BTBD9: variants seen among roughly 807,000 people sequenced by gnomAD.
BTBD9 encodes BTB/POZ domain-containing protein 9.
A neutral mutation model predicts 64.3 loss-of-function variants in BTBD9; 49 were observed. The ratio of observed to expected loss-of-function variants is 0.76; its 90% CI spans 0.61 to 0.97. The LOEUF (loss-of-function observed/expected upper bound fraction) is 0.97, where lower values mean the gene tolerates loss of function less well. Ranked by LOEUF, BTBD9 falls within the 50% of genes least tolerant of loss-of-function variation. The pLI is 0.00. For missense variants in BTBD9, 598 were observed against 762.1 expected (o/e 0.78, Z 2.53); for synonymous variants, 260 against 274.7 (o/e 0.95, Z 0.53).
intron 6 of BTBD9, among the ~76,000 whole-genome samples, chr6:38,389,268 A>C (rs1022409481): frequency 6.6e-6 from 1 of 152,228 alleles, no homozygotes; most frequent in Non-Finnish European, 1.5e-5. Context: ...CTGTCAGAGA[A>C]ATATGCTCAG....
chr6:38,600,844 C>T (rs1269141383), intron 1 of BTBD9, among the ~76,000 whole-genome samples: 1 of 152,156 alleles, frequency 6.6e-6, no homozygotes, highest in Admixed American at 6.5e-5. Flanking sequence ...CAGATCTCTA[C>T]TTCTCAATAC....
chr6:38,312,839 T>A (rs1358824469), intron 7 of BTBD9, among the ~76,000 whole-genome samples: 1 of 152,208 alleles, frequency 6.6e-6, no homozygotes, highest in Non-Finnish European at 1.5e-5. Flanking sequence ...TCAGGTAATG[T>A]GATTCTTTCA....
chr6:38,457,388 G>T (rs1459392596), intron 6 of BTBD9, among the ~76,000 whole-genome samples: 1 of 152,152 alleles, frequency 6.6e-6, no homozygotes, highest in African/African-American at 2.4e-5. Context: ...CAACTACAGT[G>T]GTGTTAGTGC....
chr6:38,413,719 T>C (rs1767541793), intron 6 of BTBD9, among the ~76,000 whole-genome samples: 1 of 152,172 alleles, frequency 6.6e-6, no homozygotes, highest in Non-Finnish European at 1.5e-5. Context: ...GAGTAGTGTA[T>C]CCCATCCTAT....
intron 3 of BTBD9, among the ~76,000 whole-genome samples, chr6:38,593,718 G>A (rs141993191): frequency 1.3e-5 from 2 of 152,258 alleles, no homozygotes; most frequent in Admixed American, 1.3e-4. Context: ...CCACACAGCA[G>A]CACAGTCTCT....
At chr6:38,410,942 A>G (rs1417206867) in intron 6 of BTBD9, among the ~76,000 whole-genome samples, 2 of 152,070 alleles carry the variant, frequency 1.3e-5, no homozygotes, top group East Asian at 3.9e-4. Flanking sequence ...CCCTGCATGT[A>G]TCTCCAGTCC....
At chr6:38,193,876 T>C (rs920858627) in intron 9 of BTBD9, 21 of 985,312 alleles carry the variant, frequency 2.1e-5, no homozygotes, top group South Asian at 1.4e-4. Context: ...CCCACTGAGA[T>C]TGATTCACTG....
chr6:38,178,201 G>A (rs1244823595), intron 10 of BTBD9, among the ~76,000 whole-genome samples: 2 of 152,122 alleles, frequency 1.3e-5, no homozygotes, highest in Non-Finnish European at 2.9e-5. Context: ...CACAAACTGT[G>A]TGGCGAAGAT....
intron 9 of BTBD9, among the ~76,000 whole-genome samples, chr6:38,203,462 G>A (rs943435731): frequency 3.9e-5 from 6 of 152,212 alleles, no homozygotes; most frequent in African/African-American, 1.2e-4. Context: ...TGTTAATGTG[G>A]CACTATTCAC....
At chr6:38,332,121 T>A (rs959831348) in intron 7 of BTBD9, among the ~76,000 whole-genome samples, 1 of 152,242 alleles carries the variant, frequency 6.6e-6, no homozygotes, top group African/African-American at 2.4e-5. Flanking sequence ...AAGGGAATCA[T>A]CTTTTTTTTG....
At chr6:38,263,267 C>T (rs189156864) in intron 8 of BTBD9, among the ~76,000 whole-genome samples, 1 of 152,330 alleles carries the variant, frequency 6.6e-6, no homozygotes, top group African/African-American at 2.4e-5. Flanking sequence ...AGGCAAGTCA[C>T]TTTACTTATA....
chr6:38,571,071 TCAAA>T (rs1440169359), intron 6 of BTBD9, among the ~76,000 whole-genome samples: 15 of 152,346 alleles, frequency 9.8e-5, no homozygotes, highest in African/African-American at 3.1e-4. Flanking sequence ...GATGGACAAC[TCAAA>T]CTAAGTATGA....
chr6:38,425,538 C>T (rs778854785), intron 6 of BTBD9, among the ~76,000 whole-genome samples: 41 of 151,926 alleles, frequency 2.7e-4, no homozygotes, highest in African/African-American at 6.5e-4. Flanking sequence ...TGAGATTCTA[C>T]GTGTAAAGTA....
chr6:38,235,643 G>A (rs1415909573), intron 9 of BTBD9, among the ~76,000 whole-genome samples: 3 of 152,106 alleles, frequency 2.0e-5, no homozygotes, highest in Admixed American at 6.6e-5. Flanking sequence ...CACACCAGAT[G>A]GAAAAGGTCA....
intron 6 of BTBD9, among the ~76,000 whole-genome samples, chr6:38,368,846 G>T (rs1430721157): frequency 1.3e-5 from 2 of 151,954 alleles, no homozygotes; most frequent in Non-Finnish European, 2.9e-5. Flanking sequence ...CTAACTTCAG[G>T]GTATTCTTCA....
chr6:38,631,276 T>C (rs1295189624), intron 1 of BTBD9, among the ~76,000 whole-genome samples: 1 of 152,148 alleles, frequency 6.6e-6, no homozygotes, highest in Non-Finnish European at 1.5e-5. Flanking sequence ...GTCAGAAAAA[T>C]TATTGCATGT....
chr6:38,482,914 T>C (rs936623967), intron 6 of BTBD9, among the ~76,000 whole-genome samples: 5 of 152,152 alleles, frequency 3.3e-5, no homozygotes, highest in African/African-American at 1.2e-4. Flanking sequence ...ATACTCTGCC[T>C]TTCCTCCTGT....
In BTBD9 at chr6:38,329,512, G is replaced by A. The variant is rs984416890; in HGVS notation, c.1264+15472C>T. ...TAATTTTTGTATTTTTGGTAGAGGC[G>A]GAATTTTGCCATGTTGGCCAGGCCG... On this transcript the variant is annotated intron_variant, in intron 7 of 10. Transcript: ENST00000481247. 2.6e-4 allele frequency among the ~76,000 whole-genome samples: 39 copies of A among 151,784 alleles called. 1 individual carries two copies. Among genetic ancestry groups the A allele is most frequent in the African/African-American group, 8.9e-4 (37 of 41,442 alleles).
At chr6:38,257,484 G>C (rs557138507) in intron 8 of BTBD9, among the ~76,000 whole-genome samples, 1 of 151,976 alleles carries the variant, frequency 6.6e-6, no homozygotes, top group Non-Finnish European at 1.5e-5. Context: ...GGTGTGAGCC[G>C]CTGTGCTGGT....
Sources: gnomAD v4.1 joint callset for allele counts (sites outside exome capture counted in the v4.1 genomes callset) on GRCh38, gnomAD v4.1.1 for gene constraint, MANE v1.5 for transcripts, NCBI Gene and HGNC (gene_info 2026-07-23, HGNC 2026-07-21) for gene names.